The following OGDH variants were observed in gnomAD, a reference collection of about 807,000 sequenced individuals.
The protein encoded by OGDH is oxoglutarate dehydrogenase, also known as 2-oxoglutarate dehydrogenase complex component E1.
A neutral mutation model predicts 116.6 loss-of-function variants in OGDH; 38 were observed. The observed-to-expected ratio is 0.33, with a 90% CI of 0.25 to 0.43. The LOEUF is 0.43. Ranked by LOEUF, OGDH falls within the 20% of genes least tolerant of loss-of-function variation. The pLI is 1.00. For missense variants in OGDH, 825 were observed against 1,357.2 expected (o/e 0.61, Z 6.16); for synonymous variants, 488 against 533.3 (o/e 0.92, Z 1.17).
In OGDH at chr7:44,607,394, C is replaced by A. The variant is rs921581653; in HGVS notation, c.-28+741C>A. ...AAAACTTGCCGCGCCCTCGCCCTGACCTGGGTGCGTCCCACCTGCCATCCC... is the reference window on the plus strand; with the variant it reads ...AAAACTTGCCGCGCCCTCGCCCTGAACTGGGTGCGTCCCACCTGCCATCCC... On this transcript the variant is annotated intron_variant, in intron 1 of 22. Transcript: ENST00000222673. Among the ~76,000 whole-genome samples the A allele has an allele frequency of 1.1e-4, 16 of 152,298 alleles. 1 individual carries two copies. In the East Asian group the frequency reaches 3.1e-3, roughly 29 times the overall value.
chr7:44,706,622 G>GGATTTTT (rs1585409741), intron 20 of OGDH, among the ~76,000 whole-genome samples: 1 of 112,304 alleles, frequency 8.9e-6, no homozygotes, highest in African/African-American at 5.6e-5. Flanking sequence ...CGCCCGGCTG[G>GGATTTTT]TATTTTTTTT....
At chr7:44,682,372 C>T (rs531332566) in intron 10 of OGDH, among the ~76,000 whole-genome samples, 6 of 146,802 alleles carry the variant, frequency 4.1e-5, no homozygotes, top group African/African-American at 1.0e-4. Context: ...ACAACAAGAG[C>T]GAAACTCCAT....
intron 4 of OGDH, among the ~76,000 whole-genome samples, chr7:44,652,827 G>A (rs919808509): frequency 6.6e-6 from 1 of 152,232 alleles, no homozygotes; most frequent in African/African-American, 2.4e-5. Flanking sequence ...GATCCAGTCA[G>A]AGTGGGAGGT....
At chr7:44,698,400 G>A in intron 18 of OGDH, 137 bp downstream of exon 18, 1 of 853,164 alleles carries the variant, frequency 1.2e-6, no homozygotes, top group Non-Finnish European at 1.9e-6. Context: ...GAGCTCACGT[G>A]AGTGGACAGG....
At chr7:44,634,891 T>C (rs940056086) in intron 2 of OGDH, among the ~76,000 whole-genome samples, 1 of 152,218 alleles carries the variant, frequency 6.6e-6, no homozygotes, top group Non-Finnish European at 1.5e-5. Flanking sequence ...TGCTGAAGGC[T>C]CTGGAGGTGG....
chr7:44,637,460 A>G (rs1356114077), intron 2 of OGDH, among the ~76,000 whole-genome samples: 1 of 152,232 alleles, frequency 6.6e-6, no homozygotes. Context: ...AGTATGCCAC[A>G]TATAGTTAAT....
rs538522974 is a variant in OGDH, at chr7:44,614,500, A to G, written c.-28+7847A>G. ...TTCATCAGGGACTCCAATGACATTA[A>G]TATTAGATCTTTTGTTATTTCCCTG... is the stretch of plus-strand genomic sequence containing the variant. On this transcript the variant is annotated intron_variant, in intron 1 of 22. Coordinates refer to ENST00000222673, the MANE Select transcript of OGDH (RefSeq NM_002541.4). 2.6e-5 allele frequency among the ~76,000 whole-genome samples: 4 copies of G among 151,974 alleles called. No individual in the cohort carries two copies. In the East Asian group the frequency reaches 7.7e-4, roughly 29 times the overall value.
chr7:44,624,225 T>C, intron 1 of OGDH, 92 bp from the exon 2 acceptor site: 1 of 840,764 alleles, frequency 1.2e-6, no homozygotes, highest in South Asian at 1.7e-5. Context: ...AATTATCCTT[T>C]CTCTAGAGCA....
chr7:44,644,898 A>G (rs1320261525), intron 2 of OGDH, among the ~76,000 whole-genome samples: 1 of 152,200 alleles, frequency 6.6e-6, no homozygotes, highest in Non-Finnish European at 1.5e-5. Context: ...TTGCAGACCT[A>G]TAGACAGAAG....
At chr7:44,702,736 G>C (rs1373558364) in intron 20 of OGDH, among the ~76,000 whole-genome samples, 2 of 152,074 alleles carry the variant, frequency 1.3e-5, no homozygotes, top group Non-Finnish European at 2.9e-5. Flanking sequence ...GGGACTGCAG[G>C]CGCCCGCCAC....
rs894519723 is a variant in OGDH, at chr7:44,692,846, G to A, written c.1336-979G>A. ...GCCCCAAAGTTCAAGACCAGCCCGG[G>A]CAACATGGCAAGACCCCATCTCTAC... is the stretch of plus-strand genomic sequence containing the variant. On this transcript the variant is annotated intron_variant, in intron 10 of 22. Transcript: ENST00000222673. Among the ~76,000 whole-genome samples the A allele has an allele frequency of 2.6e-5, 4 of 151,254 alleles. 1 individual carries two copies. In the South Asian group the frequency reaches 8.4e-4, roughly 32 times the overall value.
rs1192977343 is a variant in OGDH, at chr7:44,645,336, A to T, written c.232A>T (p.Ile78Phe). 4.3e-6 allele frequency: 7 copies of T among 1,612,752 alleles called. No homozygotes were observed. The highest frequency in any genetic ancestry group is 5.9e-6 in the Non-Finnish European group (7 of 1,179,246). Residue 78 changes from isoleucine (I) to phenylalanine (F), a missense_variant, in exon 3 of 23, where the codon ATT becomes TTT. Ile to Phe is a conservative substitution (Grantham distance 21). Transcript: ENST00000222673. ...NPKSVHKSWD[I>F]FFRNTNAGAP... ...CCTTCTTTGTCTTTAGTCATGGGAC[A>T]TTTTTTTTCGCAACACGAATGCCGG... is the stretch of plus-strand genomic sequence containing the variant.
At chr7:44,688,584 C>T (rs562204814) in intron 10 of OGDH, among the ~76,000 whole-genome samples, 4 of 151,740 alleles carry the variant, frequency 2.6e-5, no homozygotes, top group East Asian at 4.0e-4. Flanking sequence ...GCACCCACCA[C>T]CATGCCCAGC....
intron 2 of OGDH, among the ~76,000 whole-genome samples, chr7:44,641,672 G>C (rs1372976222): frequency 2.0e-5 from 3 of 152,186 alleles, no homozygotes. Flanking sequence ...TGGAGGCCTG[G>C]GTAGAGGCCA....
chr7:44,656,291 C>T, intron 4 of OGDH: 1 of 1,535,760 alleles, frequency 6.5e-7, no homozygotes, highest in Non-Finnish European at 8.7e-7. Context: ...TCTGCGCTCA[C>T]CCATGATACC....
intron 2 of OGDH, among the ~76,000 whole-genome samples, chr7:44,628,553 G>A (rs1785296634): frequency 6.6e-6 from 1 of 151,194 alleles, no homozygotes; most frequent in Admixed American, 6.6e-5. Context: ...AGGAGTTTGG[G>A]ACCAGCCTGG....
At chr7:44,638,028 C>T (rs1481597886) in intron 2 of OGDH, among the ~76,000 whole-genome samples, 1 of 152,136 alleles carries the variant, frequency 6.6e-6, no homozygotes, top group African/African-American at 2.4e-5. Context: ...CTTCCTGCCC[C>T]TTGAATGTCA....
chr7:44,669,936 C>T (rs1396112825), intron 5 of OGDH, among the ~76,000 whole-genome samples: 2 of 152,166 alleles, frequency 1.3e-5, no homozygotes, highest in African/African-American at 4.8e-5. Flanking sequence ...AGATCTTAAG[C>T]TATTGATCAC....
chr7:44,637,175 G>C (rs900819343), intron 2 of OGDH, among the ~76,000 whole-genome samples: 57 of 152,276 alleles, frequency 3.7e-4, no homozygotes, highest in Admixed American at 1.1e-3. Flanking sequence ...AGCACATGGT[G>C]GGCAGGCACT....
Sources: gnomAD v4.1 joint callset for allele counts (sites outside exome capture counted in the v4.1 genomes callset) on GRCh38, gnomAD v4.1.1 for gene constraint, MANE v1.5 for transcripts, NCBI Gene and HGNC (gene_info 2026-07-23, HGNC 2026-07-21) for gene names.